The following HTR2C variants were observed in gnomAD, a reference collection of about 807,000 sequenced individuals.
HTR2C encodes 5-hydroxytryptamine (serotonin) receptor 2C, G protein-coupled.
In HTR2C, 5 loss-of-function variants were observed where a neutral mutation model predicts 21.0. That is an observed-to-expected ratio of 0.24 (90% CI 0.12 to 0.50). The LOEUF (loss-of-function observed/expected upper bound fraction) is 0.50. Among genes scored for constraint, HTR2C ranks in the 20% least tolerant of loss-of-function variants. The pLI is 0.98. For missense variants in HTR2C, 271 were observed against 371.2 expected (o/e 0.73, Z 2.22); for synonymous variants, 150 against 145.3 (o/e 1.03, Z -0.23).
chrX:114,639,846 A>T (rs1556406073), intron 2 of HTR2C, among the ~76,000 whole-genome samples: 1 of 111,477 alleles, frequency 9.0e-6, no homozygotes, highest in Admixed American at 9.6e-5. Context: ...TGCCTGGAAA[A>T]TTTTTGTAAA....
intron 5 of HTR2C, among the ~76,000 whole-genome samples, chrX:114,870,858 C>CA (rs1389696280): frequency 9.0e-6 from 1 of 111,222 alleles, no homozygotes; most frequent in Non-Finnish European, 1.9e-5. Context: ...TCTAACATTT[C>CA]AAAAAAACTA....
chrX:114,719,972 A>G (rs2147329758), intron 2 of HTR2C, among the ~76,000 whole-genome samples: 1 of 112,022 alleles, frequency 8.9e-6, no homozygotes, highest in South Asian at 3.7e-4. Context: ...TTGGATACAT[A>G]AAAATAAATA....
At chrX:114,790,985 G>C (rs1556443370) in intron 4 of HTR2C, among the ~76,000 whole-genome samples, 3 of 109,529 alleles carry the variant, frequency 2.7e-5, no homozygotes, top group Non-Finnish European at 5.7e-5. Context: ...GCGGCCAGGG[G>C]AGACCCTGTC....
At chrX:114,761,958 T>TATATGTGTATATATACGTGTATATAC (rs2069878227) in intron 4 of HTR2C, among the ~76,000 whole-genome samples, 2 of 105,956 alleles carry the variant, frequency 1.9e-5, no homozygotes, top group African/African-American at 7.6e-5. Context: ...CGTGTATATA[T>TATATGTGTATATATACGTGTATATAC]ACATATATGT....
At chrX:114,788,414 G>A (rs1227466785) in intron 4 of HTR2C, among the ~76,000 whole-genome samples, 1 of 109,538 alleles carries the variant, frequency 9.1e-6, no homozygotes, top group Non-Finnish European at 1.9e-5. Flanking sequence ...GTGTCCATCA[G>A]CTGCCCAGCT....
intron 2 of HTR2C, among the ~76,000 whole-genome samples, chrX:114,722,722 G>T (rs1242027822): frequency 1.9e-5 from 2 of 107,486 alleles, no homozygotes; most frequent in Non-Finnish European, 3.9e-5. Flanking sequence ...TTTTTAGCAT[G>T]AAGGATTGTT....
In HTR2C at chrX:114,909,839, A is replaced by G; in HGVS notation, c.*2424A>G. ...CATGTGATAATTGTAAAGGTGATGA[A>G]TTTACCATCAAACAAATCATTTTGA... On this transcript the variant is annotated 3_prime_UTR_variant, in exon 6 of 6. Transcript: ENST00000276198. The G allele has an allele frequency of 8.9e-6, 1 of 112,508 alleles. No individual in the cohort carries two copies. The highest frequency in any genetic ancestry group is 3.7e-4 in the South Asian group (1 of 2,734). 9.3% of individuals were successfully genotyped at this position (112,508 alleles called of 1,213,427 possible).
chrX:114,757,149 T>C (rs1400838748), intron 4 of HTR2C, among the ~76,000 whole-genome samples: 2 of 111,473 alleles, frequency 1.8e-5, no homozygotes, highest in African/African-American at 3.3e-5. Flanking sequence ...AGAAATTACA[T>C]CCTTCAATGA....
chrX:114,710,611 G>A (rs1932877556), intron 2 of HTR2C, among the ~76,000 whole-genome samples: 2 of 111,668 alleles, frequency 1.8e-5, no homozygotes, highest in Admixed American at 9.6e-5. Context: ...ATCACTTGGT[G>A]TATAATAATA....
At chrX:114,689,824 G>T (rs1385138285) in intron 2 of HTR2C, among the ~76,000 whole-genome samples, 1 of 111,640 alleles carries the variant, frequency 9.0e-6, no homozygotes, top group Non-Finnish European at 1.9e-5. Context: ...AATAGTTAAA[G>T]TAGAACTATA....
intron 2 of HTR2C, among the ~76,000 whole-genome samples, chrX:114,618,672 C>T (rs1244073934): frequency 8.9e-6 from 1 of 111,912 alleles, no homozygotes; most frequent in African/African-American, 3.2e-5. Context: ...AAAATACAGA[C>T]ATTTTAATTG....
At chrX:114,720,549 G>A (rs1933156714) in intron 2 of HTR2C, among the ~76,000 whole-genome samples, 1 of 99,824 alleles carries the variant, frequency 1.0e-5, no homozygotes, top group Admixed American at 1.1e-4. Flanking sequence ...AAGTTTTAGG[G>A]TACATGTGCA....
intron 4 of HTR2C, among the ~76,000 whole-genome samples, chrX:114,769,440 C>G (rs2069978187): frequency 9.0e-6 from 1 of 110,544 alleles, no homozygotes; most frequent in South Asian, 3.8e-4. Flanking sequence ...CAATATACAT[C>G]TTTTAATTTT....
At chrX:114,844,335 A>G (rs1177513847) in intron 4 of HTR2C, among the ~76,000 whole-genome samples, 1 of 111,554 alleles carries the variant, frequency 9.0e-6, no homozygotes, top group Non-Finnish European at 1.9e-5. Flanking sequence ...TTATAATTGT[A>G]ATCCCCAGGT....
chrX:114,749,454 A>G (rs1318588384), intron 4 of HTR2C, among the ~76,000 whole-genome samples: 1 of 3,462 alleles, frequency 2.9e-4, no homozygotes, highest in African/African-American at 9.6e-4. Context: ...TCCATGTCTC[A>G]AAAAAAAAAA....
intron 5 of HTR2C, among the ~76,000 whole-genome samples, chrX:114,885,128 A>C (rs781807816): frequency 1.8e-5 from 2 of 111,510 alleles, no homozygotes; most frequent in East Asian, 5.6e-4. Context: ...CACTCATGAC[A>C]TGAGTTTACC....
intron 2 of HTR2C, among the ~76,000 whole-genome samples, chrX:114,714,365 T>C (rs1932945397): frequency 8.9e-6 from 1 of 112,150 alleles, no homozygotes; most frequent in Admixed American, 9.5e-5. Context: ...CAGAAGATTT[T>C]TTAAAATAAA....
chrX:114,856,048 G>A (rs1556470878), intron 5 of HTR2C, among the ~76,000 whole-genome samples: 3 of 35,348 alleles, frequency 8.5e-5, no homozygotes, highest in Non-Finnish European at 2.3e-4. Flanking sequence ...GTTTGCAGAC[G>A]ACATGATTGT....
intron 5 of HTR2C, among the ~76,000 whole-genome samples, chrX:114,868,445 A>G (rs1222447361): frequency 1.8e-5 from 2 of 110,483 alleles, no homozygotes; most frequent in East Asian, 2.9e-4. Context: ...ATTTCTCCCC[A>G]TTCAGCTGTC....
Sources: allele counts gnomAD v4.1 joint callset (sites outside exome capture counted in the v4.1 genomes callset), GRCh38; gene constraint gnomAD v4.1.1; transcripts MANE v1.5; gene names NCBI Gene and HGNC (gene_info 2026-07-23, HGNC 2026-07-21).